The following FARS2 variants were observed in gnomAD, a reference collection of about 807,000 sequenced individuals.
The protein encoded by FARS2 is phenylalanyl-tRNA synthetase 2, mitochondrial.
A neutral mutation model predicts 46.4 loss-of-function variants in FARS2; 40 were observed. The observed-to-expected ratio is 0.86, with a 90% CI of 0.67 to 1.12. The LOEUF is 1.12. FARS2 is among the 50% of genes most tolerant of loss of function. FARS2 has a pLI of 0.00. For synonymous variants in FARS2, 234 were observed against 214.9 expected, an observed-to-expected ratio of 1.09 and a Z score of -0.78; for missense variants, 513 against 567.9, an observed-to-expected ratio of 0.90 and a Z score of 0.98.
chr6:5,581,686 T>C (rs1773337532), intron 5 of FARS2, among the ~76,000 whole-genome samples: 1 of 152,218 alleles, frequency 6.6e-6, no homozygotes, highest in African/African-American at 2.4e-5. Flanking sequence ...GGAGTGGTTC[T>C]TTCTGAGGAG....
intron 2 of FARS2, among the ~76,000 whole-genome samples, chr6:5,378,514 C>G (rs1759535659): frequency 6.6e-6 from 1 of 152,200 alleles, no homozygotes; most frequent in Admixed American, 6.5e-5. Context: ...TTCCAAGCTT[C>G]CCCGCTGTTA....
chr6:5,604,527 C>T (rs1223207614), intron 5 of FARS2, among the ~76,000 whole-genome samples: 1 of 152,130 alleles, frequency 6.6e-6, no homozygotes, highest in African/African-American at 2.4e-5. Context: ...CTACCAGGCC[C>T]TCGGCGGACC....
chr6:5,538,689 G>A (rs747173359), intron 4 of FARS2, among the ~76,000 whole-genome samples: 4 of 152,092 alleles, frequency 2.6e-5, no homozygotes, highest in East Asian at 1.9e-4. Context: ...CACAGGAGTC[G>A]CCAGTATTGT....
rs556147645 is a variant in FARS2, at chr6:5,412,156, C to G, written c.772+7455C>G. Among the ~76,000 whole-genome samples, 225 of 152,280 alleles carry G rather than the reference C, an allele frequency of 1.5e-3. 2 individuals carry two copies. In the Middle Eastern group the frequency reaches 0.034, roughly 23 times the overall value. On this transcript the variant is annotated intron_variant, in intron 3 of 6. Transcript: ENST00000274680. ...ATTGAAATGCACCTCCCAGCATGCC[C>G]TCCGAGGGTCCAGGCTGATGGGATT...
At chr6:5,385,445 C>G in intron 2 of FARS2, among the ~76,000 whole-genome samples, 1 of 144,952 alleles carries the variant, frequency 6.9e-6, no homozygotes, top group East Asian at 2.0e-4. Flanking sequence ...TTTTTTGAGA[C>G]GGGGTCTTGC....
intron 1 of FARS2, among the ~76,000 whole-genome samples, chr6:5,292,308 A>G (rs546771034): frequency 6.6e-6 from 1 of 152,350 alleles, no homozygotes; most frequent in South Asian, 2.1e-4. Context: ...TCTGTTTTAG[A>G]TCATTTTGAC....
intron 6 of FARS2, among the ~76,000 whole-genome samples, chr6:5,647,724 A>G (rs991258942): frequency 1.3e-5 from 2 of 152,258 alleles, no homozygotes; most frequent in Non-Finnish European, 2.9e-5. Flanking sequence ...TGATGGGGAA[A>G]GGACTAACAA....
intron 1 of FARS2, among the ~76,000 whole-genome samples, chr6:5,335,342 G>T (rs2127583538): frequency 6.6e-6 from 1 of 152,308 alleles, no homozygotes; most frequent in East Asian, 1.9e-4. Context: ...TGAATTAAGT[G>T]CCAGGGAGGG....
chr6:5,672,404 A>G (rs1048561290), intron 6 of FARS2, among the ~76,000 whole-genome samples: 2 of 152,100 alleles, frequency 1.3e-5, no homozygotes, highest in Non-Finnish European at 2.9e-5. Flanking sequence ...CCACTGTACC[A>G]CAGTTGCTTC....
At chr6:5,315,745 T>TCTTTCTTTCTTTCTTCCTTTCTTC (rs1554162045) in intron 1 of FARS2, among the ~76,000 whole-genome samples, 2 of 150,208 alleles carry the variant, frequency 1.3e-5, no homozygotes, top group Admixed American at 1.3e-4. Context: ...TTTTTTCCTT[T>TCTTTCTTTCTTTCTTCCTTTCTTC]CTTTCTTTCT....
At chr6:5,334,580 T>C (rs1173748524) in intron 1 of FARS2, among the ~76,000 whole-genome samples, 1 of 152,154 alleles carries the variant, frequency 6.6e-6, no homozygotes, top group Non-Finnish European at 1.5e-5. Context: ...CTGTGGAAGG[T>C]CATGAGTATT....
At chr6:5,273,867 C>T (rs535620013) in intron 1 of FARS2, among the ~76,000 whole-genome samples, 1 of 152,192 alleles carries the variant, frequency 6.6e-6, no homozygotes, top group Non-Finnish European at 1.5e-5. Context: ...GAGATAGGAA[C>T]TTAGCATCAT....
chr6:5,711,293 T>TG (rs1759138018), intron 6 of FARS2, among the ~76,000 whole-genome samples: 1 of 150,286 alleles, frequency 6.7e-6, no homozygotes, highest in African/African-American at 2.5e-5. Context: ...GCGGGATGGA[T>TG]GAATGAATGA....
intron 6 of FARS2, among the ~76,000 whole-genome samples, chr6:5,759,632 C>A (rs1262826080): frequency 6.6e-6 from 1 of 152,120 alleles, no homozygotes; most frequent in Non-Finnish European, 1.5e-5. Flanking sequence ...GTGGTCCTGG[C>A]GTTTCCTAGC....
At chr6:5,508,792 G>A (rs186599333) in intron 4 of FARS2, among the ~76,000 whole-genome samples, 298 of 152,344 alleles carry the variant, frequency 2.0e-3, no homozygotes, top group African/African-American at 6.8e-3. Flanking sequence ...GGACTGGAAT[G>A]GGAAGCTATC....
At chr6:5,439,230 G>T (rs1449195695) in intron 4 of FARS2, among the ~76,000 whole-genome samples, 1 of 152,182 alleles carries the variant, frequency 6.6e-6, no homozygotes, top group Non-Finnish European at 1.5e-5. Context: ...TGCTGTGCGT[G>T]TGTCACTCCA....
chr6:5,681,516 A>G (rs1582747491), intron 6 of FARS2, among the ~76,000 whole-genome samples: 2 of 152,312 alleles, frequency 1.3e-5, no homozygotes, highest in South Asian at 2.1e-4. Flanking sequence ...ATTATTTTCA[A>G]TGAGTATTTC....
At chr6:5,399,577 A>G (rs370505775) in intron 2 of FARS2, among the ~76,000 whole-genome samples, 1 of 152,240 alleles carries the variant, frequency 6.6e-6, no homozygotes, top group African/African-American at 2.4e-5. Flanking sequence ...ATTATACTCT[A>G]TTCCCATTCA....
At chr6:5,720,477 G>A (rs1759816835) in intron 6 of FARS2, among the ~76,000 whole-genome samples, 1 of 152,204 alleles carries the variant, frequency 6.6e-6, no homozygotes, top group African/African-American at 2.4e-5. Flanking sequence ...AGAAGCTTCA[G>A]AAGGCAGACA....
Sources: gnomAD v4.1 joint callset for allele counts (sites outside exome capture counted in the v4.1 genomes callset) on GRCh38, gnomAD v4.1.1 for gene constraint, MANE v1.5 for transcripts, NCBI Gene and HGNC (gene_info 2026-07-23, HGNC 2026-07-21) for gene names.